Variants in RCBTB2 observed in about 807,000 individuals in gnomAD.
RCBTB2 encodes the protein RCC1 and BTB domain-containing protein 2.
Under a neutral mutation model 65.4 loss-of-function variants are expected in RCBTB2, and 55 were observed. The observed-to-expected ratio is 0.84, with a 90% CI of 0.68 to 1.05. The LOEUF (loss-of-function observed/expected upper bound fraction) is 1.05. Among genes scored for constraint, RCBTB2 ranks in the 50% least tolerant of loss-of-function variants. The pLI is 0.00. For missense variants in RCBTB2, 599 were observed against 680.1 expected (o/e 0.88, Z 1.33); for synonymous variants, 220 against 255.2 (o/e 0.86, Z 1.31).
rs1949966457 is a variant in RCBTB2, at chr13:48,496,271, A to G, written c.1435T>C (p.Cys479Arg). Residue 479 changes from cysteine to arginine, a missense_variant, in exon 14 of 15, where the codon TGC becomes CGC. By Grantham distance (180) the Cys-to-Arg change is radical. Coordinates refer to ENST00000344532, the MANE Select transcript of RCBTB2 (RefSeq NM_001268.4). ...FYRENRLKKL[C>R]QQTIKQGICE... is the part of the protein sequence containing the mutation. ...ATGCCTTGCTTGATAGTTTGTTGGC[A>G]GAGCTTTTTCAAACGATTTTCTCTA... The G allele has an allele frequency of 6.3e-7, 1 of 1,592,842 alleles. No homozygotes were observed.
At chr13:48,514,892 T>C (rs968005296) in intron 6 of RCBTB2, among the ~76,000 whole-genome samples, 2 of 152,204 alleles carry the variant, frequency 1.3e-5, no homozygotes, top group South Asian at 2.1e-4. Context: ...CGGGGGGATG[T>C]TGGACACAAG....
At chr13:48,495,386 A>T (rs1176705937) in intron 14 of RCBTB2, among the ~76,000 whole-genome samples, 1 of 136,278 alleles carries the variant, frequency 7.3e-6, no homozygotes, top group Non-Finnish European at 1.5e-5. Flanking sequence ...ACTTTTTCAA[A>T]AAATAAAAAT....
intron 13 of RCBTB2, among the ~76,000 whole-genome samples, chr13:48,497,728 A>G (rs936551960): frequency 2.6e-5 from 4 of 152,230 alleles, no homozygotes; most frequent in African/African-American, 9.6e-5. Flanking sequence ...CTGCTAATAA[A>G]TCTTATACAT....
intron 1 of RCBTB2, among the ~76,000 whole-genome samples, chr13:48,528,453 T>G (rs576419507): frequency 1.3e-5 from 2 of 152,294 alleles, no homozygotes; most frequent in South Asian, 4.1e-4. Context: ...CCCATCTGGG[T>G]GGGTAACACA....
chr13:48,521,880 G>A lies in RCBTB2; in HGVS notation c.42+18C>T, dbSNP rs199781376. 1.6e-4 allele frequency: 262 copies of A among 1,612,144 alleles called. No homozygotes were observed. In the Middle Eastern group the frequency reaches 6.1e-3, roughly 38 times the overall value. ...GCAACAGAACACACATGCTCCAAGG[G>A]CATGATTTTTTTCTAACCTTGCCAC... On this transcript the variant is annotated intron_variant, in intron 4 of 14. Coordinates refer to ENST00000344532, the MANE Select transcript of RCBTB2 (RefSeq NM_001268.4).
At chr13:48,501,457 G>A (rs989522967) in intron 12 of RCBTB2, among the ~76,000 whole-genome samples, 1 of 152,146 alleles carries the variant, frequency 6.6e-6, no homozygotes, top group Non-Finnish European at 1.5e-5. Flanking sequence ...ACAGTGTTCA[G>A]AGCACAGGAC....
At chr13:48,507,022 C>T (rs1950539235) in intron 10 of RCBTB2, among the ~76,000 whole-genome samples, 1 of 152,202 alleles carries the variant, frequency 6.6e-6, no homozygotes, top group South Asian at 2.1e-4. Flanking sequence ...GTAGCCTCTG[C>T]CCCTAGAGCA....
At chr13:48,508,519 T>C (rs1950616867) in intron 10 of RCBTB2, among the ~76,000 whole-genome samples, 1 of 152,020 alleles carries the variant, frequency 6.6e-6, no homozygotes. Context: ...TTCTCGTGCC[T>C]CAGCCTCCCA....
At chr13:48,518,006 G>T (rs1400140358) in intron 4 of RCBTB2, among the ~76,000 whole-genome samples, 1 of 152,232 alleles carries the variant, frequency 6.6e-6, no homozygotes, top group Non-Finnish European at 1.5e-5. Flanking sequence ...AGGGACTGCA[G>T]TAATGCATCT....
intron 1 of RCBTB2, among the ~76,000 whole-genome samples, chr13:48,529,949 GGT>G (rs1218012722): frequency 6.6e-6 from 1 of 152,048 alleles, no homozygotes; most frequent in African/African-American, 2.4e-5. Flanking sequence ...GGAGTGCAAT[GGT>G]GTGATCATGA....
At position 48,512,069 on chromosome 13, in the gene RCBTB2, C is replaced by A; in HGVS notation, c.622G>T (p.Val208Leu). 1 of 1,614,256 alleles carries A rather than the reference C, an allele frequency of 6.2e-7. No homozygotes were observed. Among genetic ancestry groups the A allele is most frequent in the Middle Eastern group, 1.6e-4 (1 of 6,062 alleles). ...VTGCLQNKVV[V>L]TIACGQMCCM... The stretch of plus-strand genomic sequence containing the variant: ...CACATCTGCCCACATGCTATGGTCA[C>A]AACTACTTTATTTTGTAGGCAGCCA... The change falls in exon 8 of 15, where the codon GTG becomes TTG. Residue 208 changes from valine to leucine, a missense_variant. Transcript: ENST00000344532.
At chr13:48,528,687 C>T (rs980926312) in intron 1 of RCBTB2, among the ~76,000 whole-genome samples, 3 of 151,924 alleles carry the variant, frequency 2.0e-5, no homozygotes, top group Non-Finnish European at 2.9e-5. Context: ...AATATAAATA[C>T]GTATACAATA....
At chr13:48,510,836 T>C in intron 9 of RCBTB2, 65 bp from the exon 10 acceptor site, 16 of 1,505,668 alleles carry the variant, frequency 1.1e-5, no homozygotes, top group Non-Finnish European at 1.4e-5. Context: ...TTCCACAAAG[T>C]AGGTTAAGAA....
intron 14 of RCBTB2, among the ~76,000 whole-genome samples, chr13:48,495,163 G>A (rs1284262010): frequency 6.6e-6 from 1 of 151,946 alleles, no homozygotes; most frequent in Non-Finnish European, 1.5e-5. Flanking sequence ...GTTACAGCCT[G>A]TTTCCTAAAG....
At chr13:48,493,311 A>ACCCTCTCTCT (rs773819158) in intron 14 of RCBTB2, among the ~76,000 whole-genome samples, 1 of 57,336 alleles carries the variant, frequency 1.7e-5, no homozygotes, top group Non-Finnish European at 3.6e-5. Context: ...ACACACACAC[A>ACCCTCTCTCT]CACACTCTCT....
intron 4 of RCBTB2, among the ~76,000 whole-genome samples, chr13:48,518,472 A>AAAAAATATATATAT (rs1491137365): frequency 7.7e-5 from 9 of 116,620 alleles, no homozygotes; most frequent in African/African-American, 3.4e-4. Flanking sequence ...AAAAAAAAAA[A>AAAAAATATATATAT]ATATATATAT....
At position 48,510,698 on chromosome 13, in the gene RCBTB2, T is replaced by C. The variant is rs751216685; in HGVS notation, c.857A>G (p.Tyr286Cys). The change falls in exon 10 of 15, where the codon TAT (tyrosine) becomes TGT (cysteine). Residue 286 changes from tyrosine to cysteine, a missense_variant. Tyr to Cys is a radical substitution (Grantham distance 194). Coordinates refer to ENST00000344532, the MANE Select transcript of RCBTB2 (RefSeq NM_001268.4). ...GQVYAWGANSYGQLGTGNKSN... is the reference protein window; with the variant it reads ...GQVYAWGANSCGQLGTGNKSN... ...TTTATTGCCAGTGCCCAACTGCCCATAAGAATTGGCGCCCCAAGCATACAC... is the reference window on the plus strand; with the variant it reads ...TTTATTGCCAGTGCCCAACTGCCCACAAGAATTGGCGCCCCAAGCATACAC... 1.9e-6 allele frequency: 3 copies of C among 1,614,142 alleles called. No individual in the cohort carries two copies. The highest frequency in any genetic ancestry group is 3.3e-5 in the Admixed American group (2 of 60,028).
At chr13:48,529,342 C>T (rs967201943) in intron 1 of RCBTB2, among the ~76,000 whole-genome samples, 1 of 152,070 alleles carries the variant, frequency 6.6e-6, no homozygotes, top group Non-Finnish European at 1.5e-5. Context: ...CATGGCAGGC[C>T]CTCTTGGCCT....
rs1566300097 is a variant in RCBTB2 at position 48,512,765 on chromosome 13, C to T, written c.480G>A (p.Gly160=). The change falls in exon 7 of 15, where the codon GGG becomes GGA. Residue 160 remains glycine (G), a synonymous_variant. Coordinates refer to ENST00000344532, the MANE Select transcript of RCBTB2 (RefSeq NM_001268.4). Reference sequence around the variant, plus strand: ...ATGTTAGCACCAAAGAATGGTAAGACCCACAGGCAACTTCAATGACTTGTT... The same window carrying T: ...ATGTTAGCACCAAAGAATGGTAAGATCCACAGGCAACTTCAATGACTTGTT... ...SNKQVIEVAC[G]SYHSLVLTSD... 1 of 1,613,964 alleles carries T rather than the reference C, an allele frequency of 6.2e-7. No individual in the cohort carries two copies.
Sources: gnomAD v4.1 joint callset for allele counts (sites outside exome capture counted in the v4.1 genomes callset) on GRCh38, gnomAD v4.1.1 for gene constraint, MANE v1.5 for transcripts, NCBI Gene and HGNC (gene_info 2026-07-23, HGNC 2026-07-21) for gene names.